The following CNTN5 variants were observed in gnomAD, a reference collection of about 807,000 sequenced individuals.
CNTN5 encodes contactin-5.
In CNTN5, 77 loss-of-function variants were observed where a neutral mutation model predicts 129.1. The ratio of observed to expected loss-of-function variants is 0.60; its 90% CI spans 0.50 to 0.72. The LOEUF is 0.72. CNTN5 is among the 30% of genes least tolerant of loss of function. The pLI, the probability that CNTN5 is intolerant of heterozygous loss-of-function variation, is 0.00. For missense variants in CNTN5, 1,478 were observed against 1,328.8 expected (o/e 1.11, Z -1.75); for synonymous variants, 509 against 465.6 (o/e 1.09, Z -1.20).
intron 2 of CNTN5, among the ~76,000 whole-genome samples, chr11:99,462,014 T>C (rs998108278): frequency 1.3e-5 from 2 of 152,210 alleles, no homozygotes; most frequent in African/African-American, 4.8e-5. Flanking sequence ...TTAGTAGCCA[T>C]TGAGTACTGG....
At chr11:99,934,757 C>T (rs1156998820) in intron 7 of CNTN5, among the ~76,000 whole-genome samples, 5 of 151,504 alleles carry the variant, frequency 3.3e-5, no homozygotes, top group Middle Eastern at 6.8e-3. Context: ...TGGTGGTATG[C>T]ACCTGTAGTC....
At chr11:99,388,639 T>A (rs1022869013) in intron 2 of CNTN5, among the ~76,000 whole-genome samples, 1 of 152,150 alleles carries the variant, frequency 6.6e-6, no homozygotes, top group Non-Finnish European at 1.5e-5. Context: ...TGGAATCTAC[T>A]GCCACATTGT....
chr11:99,534,705 C>G (rs1394082394), intron 2 of CNTN5, among the ~76,000 whole-genome samples: 1 of 152,118 alleles, frequency 6.6e-6, no homozygotes, highest in East Asian at 1.9e-4. Flanking sequence ...GAATATCACC[C>G]TGTAATCACA....
chr11:100,076,138 A>G (rs1005246334), intron 13 of CNTN5, among the ~76,000 whole-genome samples: 2 of 152,184 alleles, frequency 1.3e-5, no homozygotes, highest in Non-Finnish European at 2.9e-5. Flanking sequence ...TAATTAAAGT[A>G]GAAGAAAATT....
intron 4 of CNTN5, among the ~76,000 whole-genome samples, chr11:99,831,000 A>G (rs770247708): frequency 9.2e-5 from 14 of 152,186 alleles, no homozygotes; most frequent in Non-Finnish European, 1.6e-4. Context: ...TGAACACAAT[A>G]GTGGATTTTG....
chr11:100,293,576 T>A (rs1206418681), intron 18 of CNTN5, among the ~76,000 whole-genome samples: 1 of 151,594 alleles, frequency 6.6e-6, no homozygotes, highest in East Asian at 1.9e-4. Flanking sequence ...TTATTGATTA[T>A]AATTCCGGGT....
intron 8 of CNTN5, among the ~76,000 whole-genome samples, chr11:99,990,453 T>TACACACACACAC (rs550501632): frequency 0.067 from 9,699 of 143,774 alleles, 386 homozygotes; most frequent in Middle Eastern, 0.094. Flanking sequence ...AATATATATA[T>TACACACACACAC]ATACACACAC....
chr11:99,793,915 G>T (rs951538750), intron 3 of CNTN5, among the ~76,000 whole-genome samples: 6 of 152,176 alleles, frequency 3.9e-5, no homozygotes, highest in African/African-American at 1.4e-4. Context: ...GAGTTCTGTA[G>T]ATGCCTATTA....
Position 99,845,072 on chromosome 11 carries a change from T to C in CNTN5, c.402-15T>C, listed in dbSNP as rs751666749. ...GGGAGGATTATACATATTTGTCTTC[T>C]GATTTTTTCCTAAGATGGCTTCGAA... On this transcript the variant is annotated splice_polypyrimidine_tract_variant and intron_variant, in intron 5 of 24. Transcript: ENST00000524871. 17 of 1,612,496 alleles carry C rather than the reference T, an allele frequency of 1.1e-5. No individual in the cohort carries two copies. In the South Asian group the frequency reaches 1.5e-4, roughly 15 times the overall value.
intron 2 of CNTN5, among the ~76,000 whole-genome samples, chr11:99,518,319 A>G (rs1947138405): frequency 6.6e-6 from 1 of 152,146 alleles, no homozygotes; most frequent in Admixed American, 6.6e-5. Context: ...GGAGGTATTC[A>G]AAGGACTTTA....
chr11:99,571,875 C>A (rs1949185761), intron 3 of CNTN5, among the ~76,000 whole-genome samples: 1 of 152,104 alleles, frequency 6.6e-6, no homozygotes, highest in Non-Finnish European at 1.5e-5. Flanking sequence ...TAATAACAAG[C>A]AGCTATCATT....
At chr11:99,951,283 A>G (rs537391271) in intron 7 of CNTN5, among the ~76,000 whole-genome samples, 116 of 149,812 alleles carry the variant, frequency 7.7e-4, no homozygotes, top group African/African-American at 2.6e-3. Context: ...AAAAAAAAAC[A>G]TGAAAAGTAT....
Position 99,199,970 on chromosome 11 carries a change from T to A in CNTN5, c.-209-125376T>A, listed in dbSNP as rs561727075. Among the ~76,000 whole-genome samples the A allele has an allele frequency of 5.8e-4, 80 of 138,486 alleles. 2 individuals carry two copies. The South Asian group carries it at 0.014, about 24-fold the overall frequency. 90.9% of individuals were successfully genotyped at this position (138,486 alleles called of 152,430 possible). A position where few individuals can be genotyped will look rare whatever the true frequency, so the allele number is the denominator to read the frequency against. ...GAACACCAATATATATCCATCAACATCATCATCATCATCATCATCATCATC... is the reference window on the plus strand; with the variant it reads ...GAACACCAATATATATCCATCAACAACATCATCATCATCATCATCATCATC... On this transcript the variant is annotated intron_variant, in intron 1 of 24. Coordinates refer to ENST00000524871, the MANE Select transcript of CNTN5 (RefSeq NM_014361.4).
intron 3 of CNTN5, among the ~76,000 whole-genome samples, chr11:99,636,408 C>A (rs1304561467): frequency 1.3e-5 from 2 of 149,942 alleles, no homozygotes; most frequent in East Asian, 3.9e-4. Flanking sequence ...TTGTTGTTTG[C>A]AATTTGCTCT....
chr11:99,883,197 C>G (rs1329305485), intron 6 of CNTN5, among the ~76,000 whole-genome samples: 4 of 152,186 alleles, frequency 2.6e-5, no homozygotes, highest in Non-Finnish European at 4.4e-5. Context: ...GCAGATGTCA[C>G]TTTGACATAC....
intron 1 of CNTN5, among the ~76,000 whole-genome samples, chr11:99,227,648 C>T (rs1372295900): frequency 2.0e-5 from 3 of 152,018 alleles, no homozygotes; most frequent in East Asian, 3.9e-4. Context: ...TGCTTCAATG[C>T]GTTATCAATA....
intron 1 of CNTN5, among the ~76,000 whole-genome samples, chr11:99,265,982 T>G (rs1208617204): frequency 6.6e-6 from 1 of 152,076 alleles, no homozygotes; most frequent in Admixed American, 6.6e-5. Flanking sequence ...CAATATAGCA[T>G]AATTTATTCT....
intron 9 of CNTN5, among the ~76,000 whole-genome samples, chr11:100,010,626 T>G (rs1940471083): frequency 1.4e-5 from 2 of 141,454 alleles, no homozygotes; most frequent in Non-Finnish European, 3.1e-5. Flanking sequence ...TGTAGAAATG[T>G]GGTTTTCAGA....
chr11:100,327,182 C>A (rs1422530541), intron 21 of CNTN5, among the ~76,000 whole-genome samples: 1 of 152,228 alleles, frequency 6.6e-6, no homozygotes, highest in Non-Finnish European at 1.5e-5. Flanking sequence ...GGCACACTCC[C>A]AGCCTCATCC....
Sources: gnomAD v4.1 joint callset for allele counts (sites outside exome capture counted in the v4.1 genomes callset) on GRCh38, gnomAD v4.1.1 for gene constraint, MANE v1.5 for transcripts, NCBI Gene and HGNC (gene_info 2026-07-23, HGNC 2026-07-21) for gene names.